Variants in NUMB observed in about 807,000 individuals in gnomAD.
NUMB encodes NUMB endocytic adaptor protein.
Under a neutral mutation model 59.7 loss-of-function variants are expected in NUMB, and 29 were observed. The ratio of observed to expected loss-of-function variants is 0.49; its 90% CI spans 0.36 to 0.66. The LOEUF (loss-of-function observed/expected upper bound fraction) is 0.66, where lower values mean the gene tolerates loss of function less well. Ranked by LOEUF, NUMB falls within the 30% of genes least tolerant of loss-of-function variation. The pLI is 0.00. For synonymous variants in NUMB, 288 were observed against 288.2 expected (o/e 1.00, Z 0.01); for missense variants, 723 against 822.0 (o/e 0.88, Z 1.47).
intron 8 of NUMB, 104 bp downstream of exon 8, chr14:73,292,630 A>T: frequency 8.8e-7 from 1 of 1,139,438 alleles, no homozygotes; most frequent in Non-Finnish European, 1.2e-6. Context: ...GGCACTTCCA[A>T]GTACTTGTTA....
intron 7 of NUMB, among the ~76,000 whole-genome samples, chr14:73,294,295 C>T (rs1889610641): frequency 6.6e-6 from 1 of 152,158 alleles, no homozygotes; most frequent in African/African-American, 2.4e-5. Context: ...GTAACCTCAA[C>T]TCCAGGGCTC....
intron 2 of NUMB, among the ~76,000 whole-genome samples, chr14:73,381,409 G>T (rs567146104): frequency 6.6e-6 from 1 of 151,970 alleles, no homozygotes; most frequent in African/African-American, 2.4e-5. Flanking sequence ...AGCTTGAAAC[G>T]ATTTAGCCCT....
intron 4 of NUMB, among the ~76,000 whole-genome samples, chr14:73,353,058 C>T (rs1244794189): frequency 1.1e-5 from 1 of 88,336 alleles, no homozygotes; most frequent in East Asian, 4.5e-4. Flanking sequence ...TTAATGGATG[C>T]CACAGTTTTT....
At chr14:73,287,001 G>A in intron 9 of NUMB, 109 bp downstream of exon 9, 1 of 1,048,232 alleles carries the variant, frequency 9.5e-7, no homozygotes, top group Non-Finnish European at 1.5e-6. Flanking sequence ...GTTTTATATT[G>A]CTAAGGGTTC....
At chr14:73,427,882 A>AT (rs553043122) in intron 1 of NUMB, among the ~76,000 whole-genome samples, 124 of 152,314 alleles carry the variant, frequency 8.1e-4, no homozygotes, top group African/African-American at 2.7e-3. Flanking sequence ...TGAAAATATT[A>AT]TTTTTTAATG....
chr14:73,420,126 G>A (rs1003834901), intron 1 of NUMB, among the ~76,000 whole-genome samples: 4 of 152,312 alleles, frequency 2.6e-5, no homozygotes, highest in African/African-American at 9.6e-5. Context: ...CTCCCAAAGT[G>A]CTGGGATTAC....
intron 4 of NUMB, among the ~76,000 whole-genome samples, chr14:73,331,494 G>C (rs1459315069): frequency 6.6e-6 from 1 of 152,136 alleles, no homozygotes; most frequent in Non-Finnish European, 1.5e-5. Context: ...CTTGCAGTGA[G>C]CTGAGATCGT....
chr14:73,409,863 C>A (rs1595004689), intron 2 of NUMB, 74 bp downstream of exon 2: 1 of 152,214 alleles, frequency 6.6e-6, no homozygotes, highest in Non-Finnish European at 1.5e-5. Context: ...ATGTTTGCAT[C>A]TAACTACAAA....
At chr14:73,426,708 G>A (rs549186680) in intron 1 of NUMB, among the ~76,000 whole-genome samples, 181 of 152,082 alleles carry the variant, frequency 1.2e-3, no homozygotes, top group Non-Finnish European at 2.0e-3. Context: ...CTAGCCAGGC[G>A]TGGTGGCGGG....
rs752581856 is a variant in NUMB at position 73,362,055 on chromosome 14, G to A, written c.-16+4842C>T. Among the ~76,000 whole-genome samples, 19 of 152,098 alleles carry A rather than the reference G, an allele frequency of 1.2e-4. No homozygotes were observed. In the East Asian group the frequency reaches 2.7e-3, roughly 22 times the overall value. On this transcript the variant is annotated intron_variant, in intron 3 of 12. Coordinates refer to ENST00000555238, the MANE Select transcript of NUMB (RefSeq NM_001005743.2). ...GTGGATTGCTTGAGCCCATGAATTCGAGACCAGCCTGGACAACATGGCAAA... is the reference window on the plus strand; with the variant it reads ...GTGGATTGCTTGAGCCCATGAATTCAAGACCAGCCTGGACAACATGGCAAA...
intron 2 of NUMB, among the ~76,000 whole-genome samples, chr14:73,406,473 T>C (rs1896679112): frequency 6.6e-6 from 1 of 152,056 alleles, no homozygotes; most frequent in African/African-American, 2.4e-5. Context: ...ATGTGCCACA[T>C]TTTCTTAATC....
intron 4 of NUMB, among the ~76,000 whole-genome samples, chr14:73,353,108 G>A (rs1893552337): frequency 5.1e-5 from 1 of 19,634 alleles, no homozygotes; most frequent in African/African-American, 1.1e-4. Flanking sequence ...TTTTGAGACA[G>A]AGTCTCACTC....
chr14:73,355,839 C>T (rs1893754136), intron 3 of NUMB, 73 bp from the exon 4 acceptor site: 1 of 1,196,022 alleles, frequency 8.4e-7, no homozygotes, highest in African/African-American at 1.6e-5. Flanking sequence ...GATTACCATA[C>T]TAACCAAAAA....
At chr14:73,374,972 C>T (rs72736335) in intron 2 of NUMB, among the ~76,000 whole-genome samples, 23,813 of 152,074 alleles carry the variant, frequency 0.16, 2,696 homozygotes, top group Non-Finnish European at 0.23. Context: ...CTGCCCGCTT[C>T]GGACACCCAA....
chr14:73,351,506 A>T (rs1359261643), intron 4 of NUMB, among the ~76,000 whole-genome samples: 1 of 152,034 alleles, frequency 6.6e-6, no homozygotes, highest in Non-Finnish European at 1.5e-5. Flanking sequence ...TAAATTAATT[A>T]ATTAAATTAA....
At chr14:73,412,208 C>A (rs976232963) in intron 1 of NUMB, among the ~76,000 whole-genome samples, 2 of 152,118 alleles carry the variant, frequency 1.3e-5, no homozygotes, top group Non-Finnish European at 2.9e-5. Context: ...TACACCACCA[C>A]GCCCAGCTGG....
chr14:73,340,119 C>A (rs1892552122), intron 4 of NUMB, among the ~76,000 whole-genome samples: 2 of 152,198 alleles, frequency 1.3e-5, no homozygotes, highest in Non-Finnish European at 2.9e-5. Flanking sequence ...GATTGTTTAG[C>A]CATCTGACTA....
At chr14:73,328,735 G>GTTTAAA (rs1891796874) in intron 4 of NUMB, among the ~76,000 whole-genome samples, 1 of 151,966 alleles carries the variant, frequency 6.6e-6, no homozygotes, top group Admixed American at 6.6e-5. Flanking sequence ...TGAAGTATCT[G>GTTTAAA]TTTAAATTTG....
chr14:73,458,233 T>C (rs113713750), intron 1 of NUMB: 4,999 of 152,060 alleles, frequency 0.033, 313 homozygotes, highest in African/African-American at 0.12. Flanking sequence ...AGGGACCTCC[T>C]GGCCTGACCC....
Sources: gnomAD v4.1 joint callset for allele counts (sites outside exome capture counted in the v4.1 genomes callset) on GRCh38, gnomAD v4.1.1 for gene constraint, MANE v1.5 for transcripts, NCBI Gene and HGNC (gene_info 2026-07-23, HGNC 2026-07-21) for gene names.